Variants in PPP1R12B observed in about 807,000 individuals in gnomAD.
PPP1R12B encodes myosin phosphatase target subunit 2.
PPP1R12B carries 76 observed loss-of-function variants against 126.1 expected under a neutral mutation model. The observed-to-expected ratio is 0.60, with a 90% CI of 0.50 to 0.73. The LOEUF (loss-of-function observed/expected upper bound fraction) is 0.73. PPP1R12B is among the 30% of genes least tolerant of loss of function. The pLI, the probability that PPP1R12B is intolerant of heterozygous loss-of-function variation, is 0.00. For synonymous variants in PPP1R12B, 356 were observed against 434.7 expected (o/e 0.82, Z 2.25); for missense variants, 1,052 against 1,205.1 (o/e 0.87, Z 1.88).
Position 202,584,329 on chromosome 1 carries a change from CTT to C in PPP1R12B, c.*3772_*3773del, listed in dbSNP as rs2149048457. ...GCCACTAGTGAGATTTCAGATCTCTCTTTTGCAACATTTTACCCATTTCCCTT... is the reference window on the plus strand; with the variant it reads ...GCCACTAGTGAGATTTCAGATCTCTCTTGCAACATTTTACCCATTTCCCTT... On this transcript the variant is annotated 3_prime_UTR_variant, in exon 24 of 24. Coordinates refer to ENST00000608999, the MANE Select transcript of PPP1R12B (RefSeq NM_002481.4). 6.6e-6 allele frequency: 1 copy of C among 152,306 alleles called. No individual in the cohort carries two copies. The highest frequency in any genetic ancestry group is 1.9e-4 in the East Asian group (1 of 5,188). 9.4% of individuals were successfully genotyped at this position (152,306 alleles called of 1,614,324 possible).
chr1:202,445,194 A>C, intron 12 of PPP1R12B: 1 of 1,246,816 alleles, frequency 8.0e-7, no homozygotes, highest in Non-Finnish European at 1.0e-6. Context: ...TGCACCAATC[A>C]GTGCAAACAC....
chr1:202,367,656 A>T (rs376676077), intron 1 of PPP1R12B, among the ~76,000 whole-genome samples: 14 of 152,336 alleles, frequency 9.2e-5, no homozygotes, highest in Admixed American at 4.6e-4. Context: ...GTAGTGAAGC[A>T]CTTCCAGGCC....
chr1:202,372,493 C>A (rs1252004403), intron 1 of PPP1R12B, among the ~76,000 whole-genome samples: 1 of 151,716 alleles, frequency 6.6e-6, no homozygotes, highest in Non-Finnish European at 1.5e-5. Flanking sequence ...CAGAGTGAGA[C>A]CCTGTCTCAA....
At chr1:202,408,124 T>G (rs1448676118) in intron 1 of PPP1R12B, among the ~76,000 whole-genome samples, 1 of 152,144 alleles carries the variant, frequency 6.6e-6, no homozygotes, top group Non-Finnish European at 1.5e-5. Context: ...TGCAACCAGT[T>G]CCCCATGGAT....
chr1:202,425,322 A>G (rs1391626037), intron 3 of PPP1R12B, among the ~76,000 whole-genome samples: 1 of 152,224 alleles, frequency 6.6e-6, no homozygotes, highest in Non-Finnish European at 1.5e-5. Context: ...GTTGAAAACA[A>G]TTTTAGGTGC....
At chr1:202,528,512 T>C (rs1683589137) in intron 18 of PPP1R12B, among the ~76,000 whole-genome samples, 1 of 152,182 alleles carries the variant, frequency 6.6e-6, no homozygotes, top group Non-Finnish European at 1.5e-5. Flanking sequence ...ACCTCACAAG[T>C]TTGTTTTTCT....
chr1:202,397,578 A>G (rs1332714330), intron 1 of PPP1R12B, among the ~76,000 whole-genome samples: 4 of 152,176 alleles, frequency 2.6e-5, no homozygotes, highest in Admixed American at 2.6e-4. Context: ...GGGAAGACAC[A>G]TGGGGATATA....
chr1:202,564,565 G>T lies in PPP1R12B; in HGVS notation c.2757+18G>T. 4 of 1,572,216 alleles carry T rather than the reference G, an allele frequency of 2.5e-6. No homozygotes were observed. Among genetic ancestry groups the T allele is most frequent in the Non-Finnish European group, 3.5e-6 (4 of 1,147,518 alleles). ...TGGCCCAGGTAAGACGGAAGAAGAA[G>T]AAAAAAGATGAGAACCAAGGGTTGA... On this transcript the variant is annotated intron_variant, in intron 21 of 23. Transcript: ENST00000608999.
intron 18 of PPP1R12B, among the ~76,000 whole-genome samples, chr1:202,537,287 G>C (rs547395111): frequency 2.0e-4 from 30 of 152,056 alleles, no homozygotes; most frequent in Admixed American, 9.8e-4. Context: ...CCGGGAGGCG[G>C]AGCTTGCAGT....
chr1:202,489,245 A>G (rs1678555536), intron 14 of PPP1R12B, among the ~76,000 whole-genome samples: 1 of 152,226 alleles, frequency 6.6e-6, no homozygotes, highest in African/African-American at 2.4e-5. Flanking sequence ...CTTGTGCTTA[A>G]AGACCTTAAG....
chr1:202,413,724 A>G (rs1452715409), intron 1 of PPP1R12B, among the ~76,000 whole-genome samples: 2 of 152,192 alleles, frequency 1.3e-5, no homozygotes, highest in Non-Finnish European at 2.9e-5. Context: ...TTAATTAAAA[A>G]TAGTGATATT....
chr1:202,427,218 G>A (rs1220242815), intron 5 of PPP1R12B, 34 bp downstream of exon 5: 1 of 1,610,220 alleles, frequency 6.2e-7, no homozygotes, highest in Admixed American at 1.7e-5. Flanking sequence ...AGAACAACGA[G>A]ATTGGTGGCT....
At chr1:202,364,485 G>A (rs968268899) in intron 1 of PPP1R12B, among the ~76,000 whole-genome samples, 10 of 151,996 alleles carry the variant, frequency 6.6e-5, no homozygotes, top group South Asian at 4.2e-4. Flanking sequence ...AGAGAGCAGC[G>A]GCTCAATCAT....
intron 1 of PPP1R12B, among the ~76,000 whole-genome samples, chr1:202,411,445 TAGAG>T (rs1052432530): frequency 1.3e-5 from 2 of 151,788 alleles, no homozygotes; most frequent in African/African-American, 2.4e-5. Context: ...TTCTGAACAT[TAGAG>T]AGGGAATTTT....
intron 18 of PPP1R12B, among the ~76,000 whole-genome samples, chr1:202,523,647 C>T (rs2203202): frequency 3.9e-5 from 6 of 152,214 alleles, no homozygotes; most frequent in East Asian, 1.9e-4. Context: ...CAAAATGAGG[C>T]GCCATTGCAG....
At chr1:202,476,018 G>A (rs1280773969) in intron 13 of PPP1R12B, among the ~76,000 whole-genome samples, 1 of 152,016 alleles carries the variant, frequency 6.6e-6, no homozygotes, top group East Asian at 1.9e-4. Flanking sequence ...TCGCCAACAT[G>A]GTGAAACTCC....
At chr1:202,465,225 G>A (rs903432206) in intron 13 of PPP1R12B, among the ~76,000 whole-genome samples, 1 of 152,162 alleles carries the variant, frequency 6.6e-6, no homozygotes, top group Non-Finnish European at 1.5e-5. Flanking sequence ...AATTCAAAAC[G>A]AGGTATTTTG....
intron 12 of PPP1R12B, chr1:202,448,451 G>A (rs1672528662): frequency 6.6e-6 from 1 of 152,502 alleles, no homozygotes; most frequent in Non-Finnish European, 1.5e-5. Context: ...TGAATTAGGT[G>A]AGGGAGAACT....
chr1:202,568,137 C>T (rs1042677512), intron 22 of PPP1R12B, among the ~76,000 whole-genome samples: 4 of 151,878 alleles, frequency 2.6e-5, no homozygotes, highest in African/African-American at 7.3e-5. Flanking sequence ...ACACACAACC[C>T]ATAACATTTT....
Sources: gnomAD v4.1 joint callset for allele counts (sites outside exome capture counted in the v4.1 genomes callset) on GRCh38, gnomAD v4.1.1 for gene constraint, MANE v1.5 for transcripts, NCBI Gene and HGNC (gene_info 2026-07-23, HGNC 2026-07-21) for gene names.